FAHD2B: variants seen among roughly 807,000 people sequenced by gnomAD.
The protein encoded by FAHD2B is fumarylacetoacetate hydrolase domain containing 2B.
In FAHD2B, 26 loss-of-function variants were observed where a neutral mutation model predicts 33.7. The observed-to-expected ratio is 0.77, with a 90% confidence interval of 0.57 to 1.07. The LOEUF (loss-of-function observed/expected upper bound fraction) is 1.07, where lower values mean the gene tolerates loss of function less well. Ranked by LOEUF, FAHD2B falls within the 50% of genes least tolerant of loss-of-function variation. The pLI, the probability that FAHD2B is intolerant of heterozygous loss-of-function variation, is 0.00. For missense variants in FAHD2B, 272 were observed against 388.1 expected (o/e 0.70, Z 2.51); for synonymous variants, 108 against 150.9 (o/e 0.72, Z 2.08).
In FAHD2B at chr2:97,090,337, A is replaced by G. The variant is rs1187859454; in HGVS notation, c.246-12T>C. 1.3e-6 allele frequency: 2 copies of G among 1,568,520 alleles called. No individual in the cohort carries two copies. Among genetic ancestry groups the G allele is most frequent in the East Asian group, 4.7e-5 (2 of 42,690 alleles). ...GGGCAGCCAAGGCTCTGTAGAGACC[A>G]GAGCAGGTGAGAGGGTCTGGCTGGG... On this transcript the variant is annotated splice_polypyrimidine_tract_variant and intron_variant, in intron 3 of 8. Coordinates refer to ENST00000414820, the MANE Select transcript of FAHD2B (RefSeq NM_001320848.2).
chr2:97,081,853 G>C (rs1312294867), downstream of FAHD2B: 5 of 549,168 alleles, frequency 9.1e-6, no homozygotes, highest in Non-Finnish European at 1.3e-5. Context: ...CTGCAAGTTG[G>C]CCCAGCAGGT....
At chr2:97,090,966 C>T (rs1244266356) in intron 3 of FAHD2B, among the ~76,000 whole-genome samples, 1 of 116,288 alleles carries the variant, frequency 8.6e-6, no homozygotes, top group Non-Finnish European at 1.9e-5. Context: ...TATTGTTCAT[C>T]AGCTCCTTAG....
rs1296001333 is a variant in FAHD2B at position 97,090,250 on chromosome 2, C to T, written c.321G>A (p.Lys107=). 13 of 1,612,258 alleles carry T rather than the reference C, an allele frequency of 8.1e-6. No homozygotes were observed. The Admixed American group carries it at 2.2e-4, about 27-fold the overall frequency. The part of the protein sequence containing the change: ...TFLAPVTWPD[K]VVCVGMNYVD... ...CATAATTCATGCCCACACACACCAC[C>T]TTATCTGGCCATGTGACTGGAGCCA... is the stretch of plus-strand genomic sequence containing the variant. The change falls in exon 4 of 9, where the codon AAG becomes AAA. Residue 107 remains lysine (K), a synonymous_variant. Coordinates refer to ENST00000414820, the MANE Select transcript of FAHD2B (RefSeq NM_001320848.2).
At chr2:97,093,440 A>T (rs1254960551) in intron 1 of FAHD2B, among the ~76,000 whole-genome samples, 2 of 149,934 alleles carry the variant, frequency 1.3e-5, no homozygotes, top group African/African-American at 4.9e-5. Flanking sequence ...GCCAACTATT[A>T]AGTGCTCTAC....
chr2:97,083,939 C>A lies in FAHD2B; in HGVS notation c.882+9G>T. ...GGGCCCTTGCTCTCTTTGCTTTTCG[C>A]TAACCTACCTTGAGAAAGACAGGAG... is the stretch of plus-strand genomic sequence containing the variant. On this transcript the variant is annotated intron_variant, in intron 8 of 8. Transcript: ENST00000414820. The A allele has an allele frequency of 6.2e-7, 1 of 1,613,878 alleles. No homozygotes were observed. The highest frequency in any genetic ancestry group is 8.5e-7 in the Non-Finnish European group (1 of 1,179,970).
intron 2 of FAHD2B, 49 bp from the exon 3 acceptor site, chr2:97,091,761 C>T: frequency 2.5e-6 from 4 of 1,570,640 alleles, no homozygotes; most frequent in South Asian, 1.2e-5. Context: ...TCAGAGCCAT[C>T]ATCAGCATCC....
At chr2:97,081,551 G>T, downstream of FAHD2B, 2 of 1,532,934 alleles carry the variant, frequency 1.3e-6, no homozygotes, top group Middle Eastern at 2.3e-4. Flanking sequence ...TCCTTGCCTG[G>T]AGCCTGGCCT....
chr2:97,082,310 G>C (rs1218280328), downstream of FAHD2B: 7 of 1,589,734 alleles, frequency 4.4e-6, no homozygotes, highest in African/African-American at 5.4e-5. Flanking sequence ...CCAGCTGCCC[G>C]ATACTGGTGA....
In FAHD2B at chr2:97,091,685, T is replaced by A; in HGVS notation, c.22A>T (p.Arg8Ter). The A allele has an allele frequency of 1.2e-6, 2 of 1,612,238 alleles. No homozygotes were observed. Among genetic ancestry groups the A allele is most frequent in the South Asian group, 1.1e-5 (1 of 90,868 alleles). MLVSGRR[R>*]LLTALLQAQK... ...GCCTGCAGCAGAGCTGTGAGTAATC[T>A]TCTTCTACCAGACACCAGCATCAGA... The change falls in exon 3 of 9, where the codon AGA becomes TGA. Residue 8 changes from arginine (R) to a stop codon, truncating the protein, a stop_gained. Transcript: ENST00000414820. LOFTEE classifies it high-confidence loss of function.
chr2:97,082,629 AAG>A, downstream of FAHD2B: 1 of 1,541,580 alleles, frequency 6.5e-7, no homozygotes, highest in Non-Finnish European at 9.0e-7. Context: ...TTCTTTAAAC[AAG>A]AGGAGAGAAG....
chr2:97,094,131 C>T (rs1480176675), intron 1 of FAHD2B, among the ~76,000 whole-genome samples: 2 of 152,116 alleles, frequency 1.3e-5, no homozygotes, highest in Non-Finnish European at 2.9e-5. Flanking sequence ...CTGCAAACAG[C>T]CATGCGTGGG....
chr2:97,094,382 G>C (rs1327697848), intron 1 of FAHD2B, among the ~76,000 whole-genome samples: 1 of 138,756 alleles, frequency 7.2e-6, no homozygotes, highest in Admixed American at 7.5e-5. Flanking sequence ...TGGGGCTTCT[G>C]CAACAACCAC....
chr2:97,093,458 G>A (rs912181243), intron 1 of FAHD2B, among the ~76,000 whole-genome samples: 21 of 145,590 alleles, frequency 1.4e-4, no homozygotes, highest in African/African-American at 4.8e-4. Flanking sequence ...TACCTACAAT[G>A]TCTGATTTAA....
Position 97,091,618 on chromosome 2 carries a change from A to G in FAHD2B, c.89T>C (p.Val30Ala), listed in dbSNP as rs1188970603. Reference sequence around the variant, plus strand: ...CACCAGGTGGGGTGCCCGGAACTGCACTAGTCTCATGTCTCTGGAGGGTTG... The same window carrying G: ...CACCAGGTGGGGTGCCCGGAACTGCGCTAGTCTCATGTCTCTGGAGGGTTG... ...PFQPSRDMRL[V>A]QFRAPHLVGP... Residue 30 changes from valine (V) to alanine (A), a missense_variant, in exon 3 of 9, where the codon GTG becomes GCG. Val to Ala is a moderately conservative substitution (Grantham distance 64, BLOSUM62 0). Transcript: ENST00000414820. 1 of 1,613,798 alleles carries G rather than the reference A, an allele frequency of 6.2e-7. No homozygotes were observed. The highest frequency in any genetic ancestry group is 1.3e-5 in the African/African-American group (1 of 74,856).
At chr2:97,080,103 C>T (rs939032605), downstream of FAHD2B, among the ~76,000 whole-genome samples, 7 of 152,092 alleles carry the variant, frequency 4.6e-5, no homozygotes, top group Non-Finnish European at 1.0e-4. Context: ...TAATTAGATC[C>T]CATTTGTCAA....
intron 6 of FAHD2B, among the ~76,000 whole-genome samples, chr2:97,084,904 C>T (rs1202056811): frequency 7.7e-6 from 1 of 130,072 alleles, no homozygotes; most frequent in Non-Finnish European, 1.5e-5. Context: ...CACAGTAAGA[C>T]CATGCCAAAA....
Position 97,090,191 on chromosome 2 carries a change from G to A in FAHD2B, c.380C>T (p.Pro127Leu). The A allele has an allele frequency of 1.2e-6, 2 of 1,610,864 alleles. No individual in the cohort carries two copies. The highest frequency in any genetic ancestry group is 1.7e-6 in the Non-Finnish European group (2 of 1,179,132). The change falls in exon 4 of 9, where the codon CCC becomes CTC. Residue 127 changes from proline to leucine, a missense_variant. By Grantham distance (98) the Pro-to-Leu change is moderately conservative. Coordinates refer to ENST00000414820, the MANE Select transcript of FAHD2B (RefSeq NM_001320848.2). Reference sequence around the variant, plus strand: ...CTTGCTGAAGATGATGGGCTCCTTGGGCACGGGCACGTTCTGTTCTTTGCA... The same window carrying A: ...CTTGCTGAAGATGATGGGCTCCTTGAGCACGGGCACGTTCTGTTCTTTGCA... ...DHCKEQNVPV[P>L]KEPIIFSKFA...
At chr2:97,080,308 T>C (rs1345783414), downstream of FAHD2B, among the ~76,000 whole-genome samples, 1 of 152,128 alleles carries the variant, frequency 6.6e-6, no homozygotes, top group Non-Finnish European at 1.5e-5. Flanking sequence ...TTTGCACATA[T>C]GGCTAGCCAG....
rs191550206 is a variant in FAHD2B, at chr2:97,083,596, C to T, written c.*159G>A. On this transcript the variant is annotated 3_prime_UTR_variant, in exon 9 of 9. Coordinates refer to ENST00000414820, the MANE Select transcript of FAHD2B (RefSeq NM_001320848.2). ...CACAAGCCAAGCTGCTGCTTTGACC[C>T]GACGCATTTATTGAAGAGAGCTCTG... 18 of 1,242,486 alleles carry T rather than the reference C, an allele frequency of 1.4e-5. No homozygotes were observed. The highest frequency in any genetic ancestry group is 5.1e-5 in the East Asian group (2 of 39,542). 77.0% of individuals were successfully genotyped at this position (1,242,486 alleles called of 1,614,324 possible).
Sources: allele counts gnomAD v4.1 joint callset (sites outside exome capture counted in the v4.1 genomes callset), GRCh38; gene constraint gnomAD v4.1.1; transcripts MANE v1.5; gene names NCBI Gene and HGNC (gene_info 2026-07-23, HGNC 2026-07-21).